NAA11: variants seen among roughly 807,000 people sequenced by gnomAD.
NAA11 encodes the protein N-alpha-acetyltransferase 11, NatA catalytic subunit, also known as N-alpha-acetyltransferase 11.
A neutral mutation model predicts 16.1 loss-of-function variants in NAA11; 15 were observed. That is an observed-to-expected ratio of 0.93 (90% confidence interval 0.62 to 1.44). The LOEUF (loss-of-function observed/expected upper bound fraction) is 1.44, where lower values mean the gene tolerates loss of function less well. Ranked by LOEUF, NAA11 falls within the 40% of genes most tolerant of loss-of-function variation. The pLI is 0.00. For synonymous variants in NAA11, 122 were observed against 112.4 expected (o/e 1.09, Z -0.54); for missense variants, 298 against 291.3 (o/e 1.02, Z -0.17).
At chr4:79,199,545 G>T in the NAA11 span, among the ~76,000 whole-genome samples, 1 of 151,822 alleles carries the variant, frequency 6.6e-6, no homozygotes, top group African/African-American at 2.4e-5. Context: ...ATACAATTTA[G>T]ACTGGGAGTC....
chr4:79,196,545 A>G, the NAA11 span, among the ~76,000 whole-genome samples: 5 of 151,896 alleles, frequency 3.3e-5, no homozygotes, highest in African/African-American at 1.2e-4. Context: ...CCAATTTACT[A>G]TTTTTGGCTA....
chr4:79,230,184 A>G (rs1484117158), intron 2 of NAA11, among the ~76,000 whole-genome samples: 1 of 151,942 alleles, frequency 6.6e-6, no homozygotes, highest in Non-Finnish European at 1.5e-5. Context: ...ACAAAAAACC[A>G]AACACCGCAT....
downstream of NAA11, among the ~76,000 whole-genome samples, chr4:79,312,646 C>CAAAAAAAAAA (rs544315352): frequency 2.9e-5 from 2 of 69,448 alleles, no homozygotes; most frequent in African/African-American, 1.2e-4. Context: ...GACTCCATCT[C>CAAAAAAAAAA]AAAAAAAAAA....
the NAA11 span, among the ~76,000 whole-genome samples, chr4:79,189,364 G>A: frequency 1.3e-5 from 2 of 151,950 alleles, no homozygotes; most frequent in Non-Finnish European, 2.9e-5. Context: ...TAAAAGGGAT[G>A]GCTAGATGGC....
At chr4:79,167,070 T>G in the NAA11 span, among the ~76,000 whole-genome samples, 1 of 120,156 alleles carries the variant, frequency 8.3e-6, no homozygotes, top group Non-Finnish European at 1.7e-5. Flanking sequence ...GTATGGGGAG[T>G]CACCAAGTCA....
chr4:79,272,207 AC>A (rs1480335340), intron 2 of NAA11, among the ~76,000 whole-genome samples: 3 of 151,978 alleles, frequency 2.0e-5, no homozygotes, highest in Non-Finnish European at 4.4e-5. Flanking sequence ...TAATACAATA[AC>A]TTCTTTAGGT....
Position 79,285,877 on chromosome 4 carries a change from T to G in NAA11, c.*122+8128A>C, listed in dbSNP as rs1416819375. Among the ~76,000 whole-genome samples the G allele has an allele frequency of 2.0e-5, 3 of 152,068 alleles. No individual in the cohort carries two copies. In the East Asian group the frequency reaches 5.8e-4, roughly 29 times the overall value. ...GAAGCTTTGGTAGAATGATACTGCA[T>G]GCATCCTTAGGCATTCAAATATTCC... On this transcript the variant is annotated intron_variant and NMD_transcript_variant, in intron 2 of 2. Coordinates refer to the NAA11 transcript ENST00000511542.
the NAA11 span, among the ~76,000 whole-genome samples, chr4:79,196,192 T>A: frequency 6.6e-6 from 1 of 152,038 alleles, no homozygotes; most frequent in Non-Finnish European, 1.5e-5. Flanking sequence ...TTTGTGCCCT[T>A]CATTTCCTGT....
rs143493108 is a variant in NAA11, at chr4:79,278,294, A to T, written c.*122+15711T>A. ...CAGTTACCAGTGACTCAGCCAATGAACGTCTCATTATGCTGTTTTCTTTCT... is the reference window on the plus strand; with the variant it reads ...CAGTTACCAGTGACTCAGCCAATGATCGTCTCATTATGCTGTTTTCTTTCT... On this transcript the variant is annotated intron_variant and NMD_transcript_variant, in intron 2 of 2. Transcript: ENST00000511542. 1.2e-4 allele frequency among the ~76,000 whole-genome samples: 19 copies of T among 152,214 alleles called. No homozygotes were observed. In the East Asian group the frequency reaches 3.5e-3, roughly 28 times the overall value.
chr4:79,167,548 T>C, the NAA11 span, among the ~76,000 whole-genome samples: 37 of 152,170 alleles, frequency 2.4e-4, no homozygotes, highest in African/African-American at 8.9e-4. Context: ...GTACCCCACC[T>C]AGAAAAAGTT....
intron 2 of NAA11, among the ~76,000 whole-genome samples, chr4:79,277,700 G>T (rs1249573679): frequency 6.6e-6 from 1 of 151,858 alleles, no homozygotes; most frequent in Non-Finnish European, 1.5e-5. Flanking sequence ...GCTCTGCCCT[G>T]ACTCCCGCCA....
intron 2 of NAA11, among the ~76,000 whole-genome samples, chr4:79,238,460 A>G (rs2109959739): frequency 6.6e-6 from 1 of 152,332 alleles, no homozygotes; most frequent in Non-Finnish European, 1.5e-5. Flanking sequence ...TATAACAGAC[A>G]GAGTAAGTGA....
At chr4:79,178,589 T>A in the NAA11 span, among the ~76,000 whole-genome samples, 1 of 152,226 alleles carries the variant, frequency 6.6e-6, no homozygotes, top group Non-Finnish European at 1.5e-5. Context: ...TTAGATACTA[T>A]GAATATCATT....
intron 2 of NAA11, among the ~76,000 whole-genome samples, chr4:79,289,663 T>C (rs566740038): frequency 6.6e-6 from 1 of 152,286 alleles, no homozygotes; most frequent in East Asian, 1.9e-4. Flanking sequence ...TTCAGAACAG[T>C]ATGATTCAAA....
rs368089300 is a variant in NAA11, at chr4:79,252,119, T to A, written c.*123-25849A>T. Among the ~76,000 whole-genome samples, 9 of 152,304 alleles carry A rather than the reference T, an allele frequency of 5.9e-5. No individual in the cohort carries two copies. In the East Asian group the frequency reaches 1.5e-3, roughly 26 times the overall value. On this transcript the variant is annotated intron_variant and NMD_transcript_variant, in intron 2 of 2. Transcript: ENST00000511542. ...AATATTGCATGTTCTCACTTATAACTGGAAGCTAAACAATGGGTTGCATGA... is the reference window on the plus strand; with the variant it reads ...AATATTGCATGTTCTCACTTATAACAGGAAGCTAAACAATGGGTTGCATGA...
the NAA11 span, among the ~76,000 whole-genome samples, chr4:79,208,429 A>G: frequency 6.6e-6 from 1 of 152,148 alleles, no homozygotes; most frequent in Non-Finnish European, 1.5e-5. Context: ...TACTTTCTAT[A>G]AAGGACTTCC....
chr4:79,312,201 T>C (rs944920268), downstream of NAA11, among the ~76,000 whole-genome samples: 6 of 152,362 alleles, frequency 3.9e-5, no homozygotes, highest in East Asian at 9.6e-4. Context: ...ACATTTATTA[T>C]TTAACAAACA....
chr4:79,187,364 T>C, the NAA11 span, among the ~76,000 whole-genome samples: 1 of 152,204 alleles, frequency 6.6e-6, no homozygotes, highest in Non-Finnish European at 1.5e-5. Context: ...TGGAGTCATT[T>C]ATTTAATAAC....
intron 2 of NAA11, among the ~76,000 whole-genome samples, chr4:79,263,178 A>T (rs551868793): frequency 6.6e-6 from 1 of 152,316 alleles, no homozygotes; most frequent in South Asian, 2.1e-4. Flanking sequence ...TAGATATTCA[A>T]TAAAAGTTCA....
Sources: gnomAD v4.1 joint callset for allele counts (sites outside exome capture counted in the v4.1 genomes callset) on GRCh38, gnomAD v4.1.1 for gene constraint, MANE v1.5 for transcripts, NCBI Gene and HGNC (gene_info 2026-07-23, HGNC 2026-07-21) for gene names.